The following LRRC58 variants were observed in gnomAD, a reference collection of about 807,000 sequenced individuals.
LRRC58 encodes the protein leucine-rich repeat-containing protein 58.
Under a neutral mutation model 30.6 loss-of-function variants are expected in LRRC58, and 18 were observed. The observed-to-expected ratio is 0.59, with a 90% CI of 0.41 to 0.87. The LOEUF (loss-of-function observed/expected upper bound fraction) is 0.87. Among genes scored for constraint, LRRC58 ranks in the 40% least tolerant of loss-of-function variants. The pLI is 0.00. For missense variants in LRRC58, 420 were observed against 468.4 expected (o/e 0.90, Z 0.95); for synonymous variants, 221 against 206.0 (o/e 1.07, Z -0.62).
At chr3:120,334,786 T>C in intron 3 of LRRC58, 76 bp downstream of exon 3, 1 of 1,320,928 alleles carries the variant, frequency 7.6e-7, no homozygotes, top group Non-Finnish European at 1.0e-6. Context: ...CAGAGACTGC[T>C]TTTGTCTGAA....
rs1328241535 is a variant in LRRC58, at chr3:120,338,524, G to T, written c.501-2571C>A. ...TTTAAATGTCACAAAGAAAAAGGGG[G>T]AGCAATCAGATAGTGATGGAAGTTA... On this transcript the variant is annotated intron_variant, in intron 1 of 3. Coordinates refer to ENST00000295628, the MANE Select transcript of LRRC58 (RefSeq NM_001099678.2). 2.6e-5 allele frequency among the ~76,000 whole-genome samples: 4 copies of T among 152,202 alleles called. No homozygotes were observed. The East Asian group carries it at 7.7e-4, about 29-fold the overall frequency.
chr3:120,339,306 A>G (rs1935874055), intron 1 of LRRC58, among the ~76,000 whole-genome samples: 1 of 152,080 alleles, frequency 6.6e-6, no homozygotes, highest in South Asian at 2.1e-4. Context: ...TTCTCTTCAT[A>G]TCATCTTCTA....
At position 120,328,313 on chromosome 3, in the gene LRRC58, G is replaced by A. The variant is rs1228982174; in HGVS notation, c.*2887C>T. The A allele has an allele frequency of 6.6e-6, 1 of 152,120 alleles. No homozygotes were observed. The highest frequency in any genetic ancestry group is 1.5e-5 in the Non-Finnish European group (1 of 68,024). 9.4% of individuals were successfully genotyped at this position (152,120 alleles called of 1,614,324 possible). On this transcript the variant is annotated 3_prime_UTR_variant, in exon 4 of 4. Transcript: ENST00000295628. ...ATCTTAGCACTATTTCACCAATTCA[G>A]TTTGGTGATGCTGAGAGAATTGATT...
At position 120,327,243 on chromosome 3, in the gene LRRC58, A is replaced by ATTTTTT. The variant is rs1465472379; in HGVS notation, c.*3956_*3957insAAAAAA. The ATTTTTT allele has an allele frequency of 1.8e-5, 2 of 109,030 alleles. No individual in the cohort carries two copies. The highest frequency in any genetic ancestry group is 3.6e-5 in the Non-Finnish European group (2 of 55,156). The allele number at this position is 109,030 out of a possible 1,614,324, so 6.8% of individuals were successfully genotyped here. On this transcript the variant is annotated 3_prime_UTR_variant, in exon 4 of 4. Transcript: ENST00000295628. ...TCTTCTAGCCCTGTGGCTTCTAAAGATTTCTTTTTTTTTTTTTTTTTTTTT... is the reference window on the plus strand; with the variant it reads ...TCTTCTAGCCCTGTGGCTTCTAAAGATTTTTTTTTCTTTTTTTTTTTTTTTTTTTTT...
chr3:120,330,622 A>G lies in LRRC58; in HGVS notation c.*578T>C, dbSNP rs74835786. 8,573 of 152,428 alleles carry G rather than the reference A, an allele frequency of 0.056. 276 individuals are homozygous for G. The highest frequency in any genetic ancestry group is 0.093 in the East Asian group (481 of 5,188). 9.4% of individuals were successfully genotyped at this position (152,428 alleles called of 1,614,324 possible). ...ATGTAAATGTTATATGCCTTACTTT[A>G]CCAGTTAGTTTGTCAGAAAGGTTTG... On this transcript the variant is annotated 3_prime_UTR_variant, in exon 4 of 4. Coordinates refer to ENST00000295628, the MANE Select transcript of LRRC58 (RefSeq NM_001099678.2).
At position 120,349,281 on chromosome 3, in the gene LRRC58, G is replaced by T; in HGVS notation, c.-38C>A. ...ACGGCGCGTGGCGCCGGATTCCCCA[G>T]AGCGCCGCGCGCGGTCCAGAGGCCG... On this transcript the variant is annotated 5_prime_UTR_variant, in exon 1 of 4. The change creates a new upstream start codon in the 5' untranslated region. Transcript: ENST00000295628. 4 of 1,352,802 alleles carry T rather than the reference G, an allele frequency of 3.0e-6. No individual in the cohort carries two copies. Among genetic ancestry groups the T allele is most frequent in the Non-Finnish European group, 3.8e-6 (4 of 1,058,972 alleles). 83.8% of individuals were successfully genotyped at this position (1,352,802 alleles called of 1,614,324 possible). A position where few individuals can be genotyped will look rare whatever the true frequency, so the allele number is the denominator to read the frequency against.
rs1022249608 is a variant in LRRC58, at chr3:120,328,178, A to C, written c.*3022T>G. On this transcript the variant is annotated 3_prime_UTR_variant, in exon 4 of 4. Coordinates refer to ENST00000295628, the MANE Select transcript of LRRC58 (RefSeq NM_001099678.2). The stretch of plus-strand genomic sequence containing the variant: ...TTACCTCCACTACTCAAATACTAGA[A>C]TACTGAGGACCGTAGCCTGAGGACC... 3 of 152,188 alleles carry C rather than the reference A, an allele frequency of 2.0e-5. No individual in the cohort carries two copies. Among genetic ancestry groups the C allele is most frequent in the Non-Finnish European group, 4.4e-5 (3 of 68,028 alleles). The allele number at this position is 152,188 out of a possible 1,614,324, so 9.4% of individuals were successfully genotyped here. A position where few individuals can be genotyped will look rare whatever the true frequency, so the allele number is the denominator to read the frequency against.
Position 120,331,329 on chromosome 3 carries a change from G to A in LRRC58, c.987C>T (p.Tyr329=), listed in dbSNP as rs769726430. The stretch of plus-strand genomic sequence containing the variant: ...GGGAAGAACATTCTGGTGAACACAA[G>A]TAGTGCATCAGTGGGAGGCGATACT... ...CGKYRLPLMH[Y]LCSPECSSPC... Residue 329 remains tyrosine (Y), a synonymous_variant, in exon 4 of 4, where the codon TAC becomes TAT. Coordinates refer to ENST00000295628, the MANE Select transcript of LRRC58 (RefSeq NM_001099678.2). 3 of 1,613,832 alleles carry A rather than the reference G, an allele frequency of 1.9e-6. No homozygotes were observed. The highest frequency in any genetic ancestry group is 2.5e-6 in the Non-Finnish European group (3 of 1,179,850).
Position 120,348,930 on chromosome 3 carries a change from C to T in LRRC58, c.314G>A (p.Gly105Glu), listed in dbSNP as rs940529821. 2 of 1,556,162 alleles carry T rather than the reference C, an allele frequency of 1.3e-6. No individual in the cohort carries two copies. The highest frequency in any genetic ancestry group is 1.7e-4 in the Middle Eastern group (1 of 5,968). The change falls in exon 1 of 4, where the codon GGG (glycine) becomes GAG (glutamate). Residue 105 changes from glycine to glutamate, a missense_variant. This residue lies in a region of LRRC58 where 266 missense variants were observed against 251.7 expected (regional missense o/e 1.06). Coordinates refer to ENST00000295628, the MANE Select transcript of LRRC58 (RefSeq NM_001099678.2). Reference protein sequence around the residue: ...TLLAKNNRLGGPSALPKGLAQ... With the variant: ...TLLAKNNRLGEPSALPKGLAQ... ...CAGGCCCTTGGGCAGCGCACTGGGC[C>T]CGCCGAGCCGGTTGTTCTTGGCCAG...
rs1935733336 is a variant in LRRC58 at position 120,330,060 on chromosome 3, A to G, written c.*1140T>C. 1 of 152,072 alleles carries G rather than the reference A, an allele frequency of 6.6e-6. No individual in the cohort carries two copies. Among genetic ancestry groups the G allele is most frequent in the South Asian group, 2.1e-4 (1 of 4,822 alleles). 9.4% of individuals were successfully genotyped at this position (152,072 alleles called of 1,614,324 possible). A position where few individuals can be genotyped will look rare whatever the true frequency, so the allele number is the denominator to read the frequency against. ...AAACTGTTCCATTAGGTATAAGGAC[A>G]ATGACTCCTTTTCTCCATTTTTATT... On this transcript the variant is annotated 3_prime_UTR_variant, in exon 4 of 4. Coordinates refer to ENST00000295628, the MANE Select transcript of LRRC58 (RefSeq NM_001099678.2).
intron 1 of LRRC58, among the ~76,000 whole-genome samples, chr3:120,340,013 A>T (rs1935885032): frequency 6.6e-6 from 1 of 151,268 alleles, no homozygotes; most frequent in Non-Finnish European, 1.5e-5. Flanking sequence ...GGCGCCCGCC[A>T]CCACGCCTGG....
At chr3:120,337,186 C>G (rs1257299739) in intron 1 of LRRC58, among the ~76,000 whole-genome samples, 1 of 152,154 alleles carries the variant, frequency 6.6e-6, no homozygotes, top group Non-Finnish European at 1.5e-5. Flanking sequence ...ACAGATAAAG[C>G]CAAGTTACCT....
At chr3:120,342,812 A>C (rs1935920577) in intron 1 of LRRC58, among the ~76,000 whole-genome samples, 1 of 152,246 alleles carries the variant, frequency 6.6e-6, no homozygotes, top group Non-Finnish European at 1.5e-5. Flanking sequence ...ATGTGAGGCC[A>C]CAGTGAGAAG....
chr3:120,346,348 G>A (rs991317796), intron 1 of LRRC58, among the ~76,000 whole-genome samples: 1 of 152,142 alleles, frequency 6.6e-6, no homozygotes, highest in African/African-American at 2.4e-5. Flanking sequence ...CTAGTACTCT[G>A]CCACTGTGCA....
chr3:120,344,077 A>C (rs957095742), intron 1 of LRRC58, among the ~76,000 whole-genome samples: 8 of 151,810 alleles, frequency 5.3e-5, no homozygotes, highest in South Asian at 4.2e-4. Context: ...ACAAAAAAAA[A>C]CCCCCAAACA....
rs78757321 is a variant in LRRC58 at position 120,337,624 on chromosome 3, G to A, written c.501-1671C>T. On this transcript the variant is annotated intron_variant, in intron 1 of 3. Transcript: ENST00000295628. Reference sequence around the variant, plus strand: ...ACATGTAGCTATTATGATTGAGCTCGTTAACTGAGCAAATTTTTTTTCTCT... The same window carrying A: ...ACATGTAGCTATTATGATTGAGCTCATTAACTGAGCAAATTTTTTTTCTCT... Among the ~76,000 whole-genome samples the A allele has an allele frequency of 4.9e-4, 75 of 152,134 alleles. 1 individual carries two copies. The East Asian group carries it at 0.011, about 22-fold the overall frequency.
intron 1 of LRRC58, among the ~76,000 whole-genome samples, chr3:120,342,263 T>C (rs1328309843): frequency 6.6e-6 from 1 of 151,646 alleles, no homozygotes; most frequent in Non-Finnish European, 1.5e-5. Context: ...CAGATGGGAG[T>C]GGGGACTCCT....
chr3:120,339,841 C>T (rs1935882218), intron 1 of LRRC58, among the ~76,000 whole-genome samples: 1 of 152,042 alleles, frequency 6.6e-6, no homozygotes. Context: ...TCTAGAATTG[C>T]TCTTAACAGT....
rs1935654747 is a variant in LRRC58 at position 120,325,045 on chromosome 3, A to AC, written c.*6154dup. ...AAACTTACAATGCTGCTTATCTAAA[A>AC]CTTTTCTCCCATTATGTTTTTGTTT... On this transcript the variant is annotated 3_prime_UTR_variant, in exon 4 of 4. Coordinates refer to ENST00000295628, the MANE Select transcript of LRRC58 (RefSeq NM_001099678.2). 6.6e-6 allele frequency: 1 copy of AC among 152,172 alleles called. No homozygotes were observed. Among genetic ancestry groups the AC allele is most frequent in the Non-Finnish European group, 1.5e-5 (1 of 68,020 alleles). 9.4% of individuals were successfully genotyped at this position (152,172 alleles called of 1,614,324 possible).
Sources: allele counts gnomAD v4.1 joint callset (sites outside exome capture counted in the v4.1 genomes callset), GRCh38; gene constraint gnomAD v4.1.1; regional missense constraint gnomAD v4.1.1; transcripts MANE v1.5; gene names NCBI Gene and HGNC (gene_info 2026-07-23, HGNC 2026-07-21).